Variants in ARSF observed in about 807,000 individuals in gnomAD.
The protein encoded by ARSF is arylsulfatase F.
ARSF carries 33 observed loss-of-function variants against 35.4 expected under a neutral mutation model. The observed-to-expected ratio is 0.93, with a 90% confidence interval of 0.71 to 1.25. ARSF has a LOEUF of 1.25. Ranked by LOEUF, ARSF falls within the 50% of genes most tolerant of loss-of-function variation. The pLI is 0.00. For missense variants in ARSF, 501 were observed against 480.2 expected (o/e 1.04, Z -0.40); for synonymous variants, 222 against 193.1 (o/e 1.15, Z -1.24).
At chrX:3,068,536 C>G (rs1013120551) in intron 2 of ARSF, among the ~76,000 whole-genome samples, 3 of 111,788 alleles carry the variant, frequency 2.7e-5, no homozygotes, top group Non-Finnish European at 5.6e-5. Context: ...CCTCCAGCCT[C>G]AGCCTCCAGA....
At position 3,073,217 on chromosome X, in the gene ARSF, GATA is replaced by G. The variant is rs1284065439; in HGVS notation, c.161+1046_161+1048del. Among the ~76,000 whole-genome samples the G allele has an allele frequency of 3.2e-3, 288 of 89,427 alleles. 1 individual carries two copies. The highest frequency in any genetic ancestry group is 9.5e-3 in the African/African-American group (250 of 26,331). The allele number at this position is 89,427 out of a possible 115,157, so 77.7% of individuals were successfully genotyped here. A position where few individuals can be genotyped will look rare whatever the true frequency, so the allele number is the denominator to read the frequency against. On this transcript the variant is annotated intron_variant, in intron 3 of 10. Coordinates refer to ENST00000381127, the MANE Select transcript of ARSF (RefSeq NM_001201539.2). ...AAAGTATATATTATCAATATATATTGATAATATATAAATATATATTTATATATA... is the reference window on the plus strand; with the variant it reads ...AAAGTATATATTATCAATATATATTGATATATAAATATATATTTATATATA...
In ARSF at chrX:3,089,517, T is replaced by C. The variant is rs771311235; in HGVS notation, c.852T>C (p.Leu284=). ...FLERHSKETF[L]LFFSFLHVHT... The stretch of plus-strand genomic sequence containing the variant: ...TCAGGCACAGTAAGGAAACTTTCCT[T>C]CTCTTTTTCTCCTTTCTTCACGTGC... Residue 284 remains leucine (L), a synonymous_variant, in exon 7 of 11, where the codon CTT becomes CTC. Transcript: ENST00000381127. The C allele has an allele frequency of 9.1e-6, 11 of 1,209,859 alleles. 1 individual carries two copies. The highest frequency in any genetic ancestry group is 8.8e-5 in the South Asian group (5 of 56,777).
intron 6 of ARSF, among the ~76,000 whole-genome samples, chrX:3,088,141 C>T (rs1460181283): frequency 8.9e-6 from 1 of 111,826 alleles, no homozygotes; most frequent in African/African-American, 3.3e-5. Context: ...TCCCTGTATC[C>T]TCATGTGAGA....
chrX:3,055,341 TCA>T (rs1491534999), intron 1 of ARSF, among the ~76,000 whole-genome samples: 1 of 61,862 alleles, frequency 1.6e-5, no homozygotes, highest in Non-Finnish European at 2.8e-5. Context: ...AAACTCCATT[TCA>T]AAAAAAAAAA....
intron 4 of ARSF, among the ~76,000 whole-genome samples, chrX:3,077,374 C>T (rs1322888346): frequency 8.9e-6 from 1 of 111,735 alleles, no homozygotes; most frequent in Non-Finnish European, 1.9e-5. Flanking sequence ...CATGGTGGCT[C>T]ATGCCTGTAA....
At chrX:3,095,459 A>G (rs1196688670) in intron 7 of ARSF, among the ~76,000 whole-genome samples, 1 of 108,387 alleles carries the variant, frequency 9.2e-6, no homozygotes, top group Admixed American at 1.0e-4. Flanking sequence ...TACAATTATT[A>G]GATTTTAATA....
chrX:3,112,142 A>C, intron 10 of ARSF, 32 bp from the exon 11 acceptor site: 1 of 1,141,638 alleles, frequency 8.8e-7, no homozygotes, highest in Non-Finnish European at 1.2e-6. Flanking sequence ...TGAAGTGCGC[A>C]TCATTTGACG....
intron 7 of ARSF, among the ~76,000 whole-genome samples, chrX:3,097,978 C>G (rs1345306061): frequency 4.6e-5 from 5 of 108,717 alleles, no homozygotes; most frequent in African/African-American, 1.7e-4. Context: ...TGCCATTGCA[C>G]TCCAGCCTGG....
In ARSF at chrX:3,112,131, C is replaced by T. The variant is rs759931836; in HGVS notation, c.1391-43C>T. On this transcript the variant is annotated intron_variant, in intron 10 of 10. Coordinates refer to ENST00000381127, the MANE Select transcript of ARSF (RefSeq NM_001201539.2). ...ACTAGGACTTCTTCCTTTGATCTGG[C>T]TGAAGTGCGCATCATTTGACGAGTC... is the stretch of plus-strand genomic sequence containing the variant. 3.7e-5 allele frequency: 40 copies of T among 1,095,804 alleles called. No individual in the cohort carries two copies. The East Asian group carries it at 6.9e-4, about 19-fold the overall frequency. 90.3% of individuals were successfully genotyped at this position (1,095,804 alleles called of 1,213,427 possible).
intron 1 of ARSF, among the ~76,000 whole-genome samples, chrX:3,060,354 G>A (rs954218127): frequency 3.6e-5 from 4 of 112,285 alleles, no homozygotes; most frequent in Non-Finnish European, 5.6e-5. Flanking sequence ...CAAAGATGGA[G>A]AGAAACCAGA....
intron 7 of ARSF, 133 bp from the exon 8 acceptor site, chrX:3,100,954 C>G (rs1356731645): frequency 6.3e-5 from 37 of 590,403 alleles, no homozygotes; most frequent in Non-Finnish European, 9.4e-5. Context: ...ATGCACATTT[C>G]TTTTCTTTTG....
intron 9 of ARSF, among the ~76,000 whole-genome samples, chrX:3,105,339 G>T (rs1238806383): frequency 1.8e-5 from 2 of 112,115 alleles, no homozygotes; most frequent in Non-Finnish European, 3.8e-5. Context: ...AACACACTAA[G>T]GCTGGAATTT....
intron 10 of ARSF, among the ~76,000 whole-genome samples, chrX:3,111,086 A>G (rs983931630): frequency 2.7e-5 from 3 of 110,649 alleles, no homozygotes; most frequent in Admixed American, 1.9e-4. Context: ...ACGGAAGAAG[A>G]CAAGAGAAGC....
At chrX:3,077,062 G>A (rs1299107835) in intron 4 of ARSF, among the ~76,000 whole-genome samples, 3 of 111,304 alleles carry the variant, frequency 2.7e-5, no homozygotes, top group African/African-American at 9.8e-5. Context: ...AAGATACAAA[G>A]GAAAGAAAAG....
intron 6 of ARSF, among the ~76,000 whole-genome samples, chrX:3,087,442 C>T (rs2090256540): frequency 9.1e-6 from 1 of 109,836 alleles, no homozygotes; most frequent in Non-Finnish European, 1.9e-5. Context: ...CTGCATATGG[C>T]CTTCCCCTCT....
chrX:3,079,267 A>G (rs1195043296), intron 4 of ARSF, among the ~76,000 whole-genome samples: 3 of 110,232 alleles, frequency 2.7e-5, no homozygotes, highest in African/African-American at 6.6e-5. Context: ...CCAGTTTTCA[A>G]TCCTTTTGGG....
chrX:3,106,939 C>T (rs182961204), intron 9 of ARSF, among the ~76,000 whole-genome samples: 2 of 111,886 alleles, frequency 1.8e-5, no homozygotes, highest in East Asian at 5.6e-4. Flanking sequence ...CCAAAATACC[C>T]AGATGCTCCC....
At chrX:3,092,014 CAG>C (rs2090295274) in intron 7 of ARSF, among the ~76,000 whole-genome samples, 1 of 110,210 alleles carries the variant, frequency 9.1e-6, no homozygotes, top group Admixed American at 9.7e-5. Flanking sequence ...GATGAATAAA[CAG>C]ATATATAGAT....
At chrX:3,090,890 G>A (rs1373563177) in intron 7 of ARSF, among the ~76,000 whole-genome samples, 1 of 109,551 alleles carries the variant, frequency 9.1e-6, no homozygotes, top group Non-Finnish European at 1.9e-5. Flanking sequence ...GAATAGTGCT[G>A]TGATGAACAT....
Sources: allele counts gnomAD v4.1 joint callset (sites outside exome capture counted in the v4.1 genomes callset), GRCh38; gene constraint gnomAD v4.1.1; transcripts MANE v1.5; gene names NCBI Gene and HGNC (gene_info 2026-07-23, HGNC 2026-07-21).